The following GRIN2A variants were observed in gnomAD, a reference collection of about 807,000 sequenced individuals.
The protein encoded by GRIN2A is glutamate ionotropic receptor NMDA type subunit 2A.
Under a neutral mutation model 113.4 loss-of-function variants are expected in GRIN2A, and 22 were observed. The observed-to-expected ratio is 0.19, with a 90% CI of 0.14 to 0.28. GRIN2A has a LOEUF of 0.28. GRIN2A is among the 10% of genes least tolerant of loss of function. The pLI is 1.00. For synonymous variants in GRIN2A, 827 were observed against 738.4 expected (o/e 1.12, Z -1.94); for missense variants, 1,502 against 1,887.0 (o/e 0.80, Z 3.78).
At chr16:10,036,102 C>T (rs765008422) in intron 2 of GRIN2A, among the ~76,000 whole-genome samples, 1 of 152,066 alleles carries the variant, frequency 6.6e-6, no homozygotes, top group African/African-American at 2.4e-5. Context: ...ATTCAGATTC[C>T]CCTGATGATC....
chr16:9,872,350 T>C (rs1548808), intron 4 of GRIN2A, among the ~76,000 whole-genome samples: 108,012 of 152,064 alleles, frequency 0.71, 39,821 homozygotes, highest in African/African-American at 0.89. Flanking sequence ...CAGCCCACTT[T>C]TCCTGACCAT....
At position 9,756,350 on chromosome 16, in the gene GRIN2A, A is replaced by G. The variant is rs927883442; in HGVS notation, c.*6799T>C. The G allele has an allele frequency of 3.5e-5, 8 of 230,226 alleles. No homozygotes were observed. Among genetic ancestry groups the G allele is most frequent in the Non-Finnish European group, 6.0e-5 (7 of 116,254 alleles). 14.3% of individuals were successfully genotyped at this position (230,226 alleles called of 1,614,324 possible). On this transcript the variant is annotated 3_prime_UTR_variant, in exon 13 of 13. Coordinates refer to ENST00000330684, the MANE Select transcript of GRIN2A (RefSeq NM_001134407.3). ...CAAACAGTGTTCAAGTCTCAGAAGGAACTATGAACAGAGGTGAGATCCCCA... is the reference window on the plus strand; with the variant it reads ...CAAACAGTGTTCAAGTCTCAGAAGGGACTATGAACAGAGGTGAGATCCCCA...
intron 2 of GRIN2A, among the ~76,000 whole-genome samples, chr16:10,045,080 A>T: frequency 6.6e-6 from 1 of 152,164 alleles, no homozygotes. Flanking sequence ...AAAATGTTTG[A>T]TGGGGAGGAT....
At chr16:10,064,153 G>A (rs1321122361) in intron 2 of GRIN2A, among the ~76,000 whole-genome samples, 1 of 152,126 alleles carries the variant, frequency 6.6e-6, no homozygotes, top group African/African-American at 2.4e-5. Context: ...TGACTTTGTT[G>A]GTGAGTGTTT....
At chr16:10,152,747 A>C (rs2049608257) in intron 2 of GRIN2A, among the ~76,000 whole-genome samples, 1 of 152,250 alleles carries the variant, frequency 6.6e-6, no homozygotes, top group South Asian at 2.1e-4. Context: ...ATAGAATATT[A>C]TTCAACGCAA....
intron 2 of GRIN2A, among the ~76,000 whole-genome samples, chr16:10,152,106 C>A (rs1054059575): frequency 2.0e-5 from 3 of 152,192 alleles, no homozygotes; most frequent in Non-Finnish European, 2.9e-5. Context: ...GAAGCCAGTA[C>A]AATAGTGGTC....
In GRIN2A at chr16:9,755,260, GGAGA is replaced by G. The variant is rs1343627113; in HGVS notation, c.*7885_*7888del. ...TTAAGCAATTTAGTTCTGGTTCCCTGGAGAGTTGCATGCTTTGAAATACAACCCC... is the reference window on the plus strand; with the variant it reads ...TTAAGCAATTTAGTTCTGGTTCCCTGGTTGCATGCTTTGAAATACAACCCC... On this transcript the variant is annotated 3_prime_UTR_variant, in exon 13 of 13. Coordinates refer to ENST00000330684, the MANE Select transcript of GRIN2A (RefSeq NM_001134407.3). 2 of 186,428 alleles carry G rather than the reference GGAGA, an allele frequency of 1.1e-5. No individual in the cohort carries two copies. The highest frequency in any genetic ancestry group is 4.7e-5 in the African/African-American group (2 of 42,750). The allele number at this position is 186,428 out of a possible 1,614,324, so 11.5% of individuals were successfully genotyped here. A position where few individuals can be genotyped will look rare whatever the true frequency, so the allele number is the denominator to read the frequency against.
chr16:10,111,333 G>T, intron 2 of GRIN2A: 2 of 389,364 alleles, frequency 5.1e-6, no homozygotes, highest in South Asian at 2.2e-5. Flanking sequence ...CGGCAGCAGC[G>T]GCAGGCGGCC....
At chr16:10,128,735 C>T (rs1305001681) in intron 2 of GRIN2A, among the ~76,000 whole-genome samples, 1 of 152,190 alleles carries the variant, frequency 6.6e-6, no homozygotes, top group Non-Finnish European at 1.5e-5. Context: ...ATGCGCCAAG[C>T]TAGGCTGCTA....
intron 4 of GRIN2A, among the ~76,000 whole-genome samples, chr16:9,876,672 G>A (rs57043932): frequency 0.012 from 1,799 of 152,252 alleles, 29 homozygotes; most frequent in African/African-American, 0.041. Flanking sequence ...TACAGGCCTG[G>A]CACTGAGTCA....
At chr16:9,931,040 C>T (rs1488526529) in intron 3 of GRIN2A, among the ~76,000 whole-genome samples, 1 of 152,114 alleles carries the variant, frequency 6.6e-6, no homozygotes, top group Admixed American at 6.5e-5. Context: ...TCAATGAAGG[C>T]CAAATAACTT....
At chr16:9,972,543 A>C (rs375712857) in intron 2 of GRIN2A, among the ~76,000 whole-genome samples, 2 of 152,210 alleles carry the variant, frequency 1.3e-5, no homozygotes, top group South Asian at 4.1e-4. Flanking sequence ...TCACAAAGAA[A>C]AAGGTAGGAA....
intron 3 of GRIN2A, among the ~76,000 whole-genome samples, chr16:9,918,050 G>T (rs565194950): frequency 2.6e-5 from 4 of 152,202 alleles, no homozygotes; most frequent in African/African-American, 9.6e-5. Context: ...CTTACTGTGG[G>T]CCAGGTACTG....
intron 2 of GRIN2A, chr16:10,112,276 T>C (rs372180876): frequency 1.1e-5 from 7 of 638,034 alleles, no homozygotes; most frequent in African/African-American, 5.5e-5. Context: ...CTCCAGGTGA[T>C]TGGGAGGAAT....
rs1404928108 is a variant in GRIN2A at position 10,180,200 on chromosome 16, G to C, written c.212C>G (p.Ala71Gly). Residue 71 changes from alanine (A) to glycine (G), a missense_variant, in exon 2 of 13, where the codon GCT becomes GGT. By Grantham distance (60) the Ala-to-Gly change is moderately conservative. Coordinates refer to ENST00000330684, the MANE Select transcript of GRIN2A (RefSeq NM_001134407.3). This position sits in a 1 kb window ranked among gnomAD's most constrained non-coding sequence, Gnocchi z 7.0. ...GGGGTCGGTGCGGTTCATCAGCAGA[G>C]CTACCACGTTCACGTCCAGGGGCAG... Reference protein sequence around the residue: ...AGLPLDVNVVALLMNRTDPKS... With the variant: ...AGLPLDVNVVGLLMNRTDPKS... 1.9e-6 allele frequency: 3 copies of C among 1,614,048 alleles called. No homozygotes were observed. Among genetic ancestry groups the C allele is most frequent in the Non-Finnish European group, 2.5e-6 (3 of 1,180,050 alleles).
At chr16:10,161,600 C>G (rs886956717) in intron 2 of GRIN2A, among the ~76,000 whole-genome samples, 9 of 152,198 alleles carry the variant, frequency 5.9e-5, no homozygotes, top group Non-Finnish European at 1.3e-4. Context: ...TTATCAGACG[C>G]TGTCCCTGTA....
At chr16:10,042,500 TG>T (rs2047183192) in intron 2 of GRIN2A, among the ~76,000 whole-genome samples, 1 of 152,158 alleles carries the variant, frequency 6.6e-6, no homozygotes, top group African/African-American at 2.4e-5. Flanking sequence ...ACTGCACCTC[TG>T]GCCAATGTAC....
chr16:10,173,254 G>A (rs780314977), intron 2 of GRIN2A, among the ~76,000 whole-genome samples: 4 of 152,198 alleles, frequency 2.6e-5, no homozygotes, highest in African/African-American at 7.2e-5. Flanking sequence ...CCAACATTCC[G>A]ATCTGTGCGT....
intron 2 of GRIN2A, among the ~76,000 whole-genome samples, chr16:10,065,851 G>A (rs2047638976): frequency 1.3e-5 from 2 of 152,170 alleles, no homozygotes; most frequent in Non-Finnish European, 1.5e-5. Flanking sequence ...CATTGGGAGG[G>A]GGGGCGCTTA....
Sources: gnomAD v4.1 joint callset for allele counts (sites outside exome capture counted in the v4.1 genomes callset) on GRCh38, gnomAD v4.1.1 for gene constraint, Gnocchi (gnomAD v3.1) non-coding constraint, MANE v1.5 for transcripts, NCBI Gene and HGNC (gene_info 2026-07-23, HGNC 2026-07-21) for gene names.